The following EXOSC10 variants were observed in gnomAD, a reference collection of about 807,000 sequenced individuals.
EXOSC10 encodes exosome complex component 10.
Under a neutral mutation model 126.6 loss-of-function variants are expected in EXOSC10, and 94 were observed. That is an observed-to-expected ratio of 0.74 (90% CI 0.63 to 0.88). The LOEUF is 0.88. Ranked by LOEUF, EXOSC10 falls within the 40% of genes least tolerant of loss-of-function variation. EXOSC10 has a pLI of 0.00. For missense variants in EXOSC10, 1,041 were observed against 1,100.5 expected (o/e 0.95, Z 0.77); for synonymous variants, 395 against 400.8 (o/e 0.99, Z 0.17).
chr1:11,078,516 C>A (rs1463516064), intron 14 of EXOSC10, among the ~76,000 whole-genome samples: 2 of 152,050 alleles, frequency 1.3e-5, no homozygotes, highest in Non-Finnish European at 2.9e-5. Context: ...CTCGGCCTCC[C>A]AAAGTGCTGG....
At chr1:11,074,127 G>A in intron 18 of EXOSC10, 104 bp downstream of exon 18, 1 of 1,371,634 alleles carries the variant, frequency 7.3e-7, no homozygotes, top group Non-Finnish European at 1.0e-6. Flanking sequence ...AGGACACCAG[G>A]GCAGCCGACA....
At chr1:11,097,000 T>A (rs1399792038) in intron 2 of EXOSC10, among the ~76,000 whole-genome samples, 2 of 151,828 alleles carry the variant, frequency 1.3e-5, no homozygotes, top group Non-Finnish European at 2.9e-5. Context: ...GATCACAAGG[T>A]CAGGAGTTCG....
chr1:11,076,551 C>T (rs1044594114), intron 17 of EXOSC10, among the ~76,000 whole-genome samples: 1 of 152,162 alleles, frequency 6.6e-6, no homozygotes, highest in African/African-American at 2.4e-5. Flanking sequence ...TCTCTTAGCG[C>T]AGGCCCTCCT....
At chr1:11,069,535 T>C (rs1250313315) in intron 22 of EXOSC10, 24 bp downstream of exon 22, 1 of 1,609,604 alleles carries the variant, frequency 6.2e-7, no homozygotes, top group Non-Finnish European at 8.5e-7. Flanking sequence ...GATGTCCCTG[T>C]ATGGGGCCCC....
At position 11,070,761 on chromosome 1, in the gene EXOSC10, G is replaced by A. The variant is rs896870029; in HGVS notation, c.2316+139C>T. ...TTCGGAAATGAGGTAGACACTAATAGCCAAGCTAAGGTGAACCGGAAAGAA... is the reference window on the plus strand; with the variant it reads ...TTCGGAAATGAGGTAGACACTAATAACCAAGCTAAGGTGAACCGGAAAGAA... On this transcript the variant is annotated intron_variant, in intron 21 of 24. Transcript: ENST00000376936. The A allele has an allele frequency of 9.8e-6, 7 of 715,710 alleles. No individual in the cohort carries two copies. In the African/African-American group the frequency reaches 1.1e-4, roughly 11 times the overall value. 44.3% of individuals were successfully genotyped at this position (715,710 alleles called of 1,614,324 possible). A position where few individuals can be genotyped will look rare whatever the true frequency, so the allele number is the denominator to read the frequency against.
At chr1:11,076,980 C>T (rs1196559558) in intron 16 of EXOSC10, 32 bp from the exon 17 acceptor site, 1 of 1,550,836 alleles carries the variant, frequency 6.4e-7, no homozygotes, top group Non-Finnish European at 8.9e-7. Context: ...AGGTCAAAGC[C>T]TACAGAATTT....
chr1:11,067,206 C>A (rs571718745), intron 24 of EXOSC10, among the ~76,000 whole-genome samples: 1 of 152,076 alleles, frequency 6.6e-6, no homozygotes, highest in African/African-American at 2.4e-5. Context: ...CCGAGGCGGG[C>A]GGATCACAAG....
chr1:11,079,932 C>A, intron 13 of EXOSC10, 110 bp from the exon 14 acceptor site: 2 of 855,764 alleles, frequency 2.3e-6, no homozygotes, highest in Non-Finnish European at 1.9e-6. Context: ...TAAGCTGAAG[C>A]TACAGGTAGG....
At chr1:11,083,562 C>CAAAAAAAAAAAAAAAAAAAAAAA (rs35412224) in intron 9 of EXOSC10, among the ~76,000 whole-genome samples, 22 of 65,862 alleles carry the variant, frequency 3.3e-4, no homozygotes, top group South Asian at 6.5e-4. Flanking sequence ...AACTCCGTCT[C>CAAAAAAAAAAAAAAAAAAAAAAA]AAAAAAAAAA....
intron 14 of EXOSC10, among the ~76,000 whole-genome samples, 173 bp downstream of exon 14, chr1:11,079,538 C>T (rs3737620): frequency 0.072 from 10,791 of 150,756 alleles, 599 homozygotes; most frequent in East Asian, 0.15. Context: ...GGATTACAGG[C>T]GTGCACCACA....
chr1:11,070,281 A>AG (rs1192165975), intron 21 of EXOSC10, among the ~76,000 whole-genome samples: 3 of 150,582 alleles, frequency 2.0e-5, no homozygotes, highest in Admixed American at 6.6e-5. Context: ...AAAAAAAAAA[A>AG]AAAAGGAAAG....
Position 11,077,643 on chromosome 1 carries a change from A to G in EXOSC10, c.1758T>C (p.Val586=). ...GTCCGCTCTTCTTCACTCCGGCTGC[A>G]ACTTCAGACTAAGGAAAAAAACGAA... ...AREMPLLKSE[V]AAGVKKSGPL... is the part of the protein sequence containing the mutation. The change falls in exon 15 of 25, where the codon GTT becomes GTC. Residue 586 remains valine, a synonymous_variant. Transcript: ENST00000376936. The G allele has an allele frequency of 6.2e-7, 1 of 1,608,334 alleles. No individual in the cohort carries two copies. The highest frequency in any genetic ancestry group is 8.5e-7 in the Non-Finnish European group (1 of 1,175,394).
chr1:11,099,579 G>T, intron 1 of EXOSC10, 142 bp downstream of exon 1: 1 of 871,544 alleles, frequency 1.1e-6, no homozygotes, highest in South Asian at 1.8e-5. Flanking sequence ...GTGCAGGAGA[G>T]TCTGCGCCCA....
chr1:11,074,172 C>T, intron 18 of EXOSC10, 59 bp downstream of exon 18: 1 of 1,466,710 alleles, frequency 6.8e-7, no homozygotes, highest in Non-Finnish European at 9.6e-7. Context: ...CAGGTAAAAG[C>T]ATGTACAGCT....
chr1:11,080,665 T>C (rs1557704527), intron 12 of EXOSC10, 99 bp downstream of exon 12: 1 of 1,599,602 alleles, frequency 6.3e-7, no homozygotes, highest in Non-Finnish European at 8.5e-7. Flanking sequence ...ATAGGGGAAA[T>C]AACCAGCTTT....
chr1:11,088,057 G>C, intron 7 of EXOSC10, 66 bp downstream of exon 7: 1 of 1,377,242 alleles, frequency 7.3e-7, no homozygotes, highest in Non-Finnish European at 1.0e-6. Flanking sequence ...TTGCATCAAT[G>C]AATCTACTTA....
At chr1:11,084,691 T>C (rs1203537056) in intron 9 of EXOSC10, among the ~76,000 whole-genome samples, 1 of 152,222 alleles carries the variant, frequency 6.6e-6, no homozygotes, top group African/African-American at 2.4e-5. Flanking sequence ...AGACATGAAG[T>C]CCTTGCCCAT....
intron 10 of EXOSC10, chr1:11,082,441 C>T (rs377009256): frequency 2.4e-5 from 21 of 860,074 alleles, no homozygotes; most frequent in South Asian, 4.3e-5. Flanking sequence ...AATACTGGTG[C>T]GGCACCTCTT....
chr1:11,070,544 G>T (rs1428194115), intron 21 of EXOSC10: 8 of 136,090 alleles, frequency 5.9e-5, no homozygotes, highest in Non-Finnish European at 4.5e-5. Flanking sequence ...AAAAAAAAAA[G>T]AGTTCCAGAG....
Sources: allele counts gnomAD v4.1 joint callset (sites outside exome capture counted in the v4.1 genomes callset), GRCh38; gene constraint gnomAD v4.1.1; transcripts MANE v1.5; gene names NCBI Gene and HGNC (gene_info 2026-07-23, HGNC 2026-07-21).